Variants in IL37 observed in about 807,000 individuals in gnomAD.
The protein encoded by IL37 is interleukin-37.
In IL37, 15 loss-of-function variants were observed where a neutral mutation model predicts 15.4. The observed-to-expected ratio is 0.98, with a 90% confidence interval of 0.65 to 1.50. The LOEUF is 1.50. Among genes scored for constraint, IL37 ranks in the 40% most tolerant of loss-of-function variants. The pLI, the probability that IL37 is intolerant of heterozygous loss-of-function variation, is 0.00. For synonymous variants in IL37, 98 were observed against 97.4 expected (o/e 1.01, Z -0.03); for missense variants, 269 against 261.7 (o/e 1.03, Z -0.19).
chr2:112,915,087 C>T (rs1683271387), intron 3 of IL37: 3 of 1,001,344 alleles, frequency 3.0e-6, no homozygotes, highest in African/African-American at 1.6e-5. Flanking sequence ...TAAGACCACT[C>T]ACACCTTCAG....
chr2:112,918,049 G>A (rs565938132), intron 5 of IL37, among the ~76,000 whole-genome samples: 2 of 152,316 alleles, frequency 1.3e-5, no homozygotes, highest in East Asian at 1.9e-4. Context: ...CTGGCCCTGG[G>A]CGGGTGGCGG....
chr2:112,912,830 T>A, intron 1 of IL37, 133 bp from the exon 2 acceptor site: 2 of 479,632 alleles, frequency 4.2e-6, no homozygotes, highest in Non-Finnish European at 3.6e-6. Context: ...TCTGGCCCCT[T>A]GGTGCCTTTC....
chr2:112,916,143 A>C (rs554196805), intron 3 of IL37, among the ~76,000 whole-genome samples: 5 of 152,340 alleles, frequency 3.3e-5, no homozygotes, highest in African/African-American at 1.2e-4. Flanking sequence ...CCTTAGACTT[A>C]TTCTCTACAT....
At position 112,917,788 on chromosome 2, in the gene IL37, T is replaced by C; in HGVS notation, c.408+11T>C. ...TCCCTTCAGCTGAAGGTGAGAGTTC[T>C]AGCTCAGTTTCCTGGGCCTTTGGCT... On this transcript the variant is annotated intron_variant, in intron 5 of 5. Transcript: ENST00000263326. The C allele has an allele frequency of 6.2e-7, 1 of 1,614,006 alleles. No individual in the cohort carries two copies. The highest frequency in any genetic ancestry group is 8.5e-7 in the Non-Finnish European group (1 of 1,179,956).
rs574097695 is a variant in IL37, at chr2:112,916,149, T to C, written c.146-980T>C. Among the ~76,000 whole-genome samples, 10 of 152,344 alleles carry C rather than the reference T, an allele frequency of 6.6e-5. No individual in the cohort carries two copies. The South Asian group carries it at 1.0e-3, about 16-fold the overall frequency. Reference sequence around the variant, plus strand: ...AGAATGACACCTTAGACTTATTCTCTACATTAGAATTGCCTACCACAGATA... The same window carrying C: ...AGAATGACACCTTAGACTTATTCTCCACATTAGAATTGCCTACCACAGATA... On this transcript the variant is annotated intron_variant, in intron 3 of 5. Transcript: ENST00000263326.
chr2:112,912,385 T>C (rs1197500700), intron 1 of IL37, among the ~76,000 whole-genome samples: 1 of 152,108 alleles, frequency 6.6e-6, no homozygotes, highest in Non-Finnish European at 1.5e-5. Flanking sequence ...CCTGGGACAT[T>C]TGGTGGCTTA....
Position 112,918,772 on chromosome 2 carries a change from G to A in IL37, c.620G>A (p.Cys207Tyr), listed in dbSNP as rs1683386640. 2 of 1,613,962 alleles carry A rather than the reference G, an allele frequency of 1.2e-6. No homozygotes were observed. The highest frequency in any genetic ancestry group is 8.5e-7 in the Non-Finnish European group (1 of 1,180,008). ...KHIEFSFQPV[C>Y]KAEMSPSEVS... ...ATTGAATTTTCATTTCAACCAGTTTGCAAAGCTGAAATGAGCCCCAGTGAG... is the reference window on the plus strand; with the variant it reads ...ATTGAATTTTCATTTCAACCAGTTTACAAAGCTGAAATGAGCCCCAGTGAG... Residue 207 changes from cysteine to tyrosine, a missense_variant, in exon 6 of 6, where the codon TGC (cysteine) becomes TAC (tyrosine). Transcript: ENST00000263326.
Position 112,916,732 on chromosome 2 carries a change from G to A in IL37, c.146-397G>A, listed in dbSNP as rs115146107. Among the ~76,000 whole-genome samples the A allele has an allele frequency of 4.1e-3, 631 of 152,314 alleles. 5 individuals carry two copies. Among genetic ancestry groups the A allele is most frequent in the African/African-American group, 0.014 (588 of 41,560 alleles). On this transcript the variant is annotated intron_variant, in intron 3 of 5. Coordinates refer to ENST00000263326, the MANE Select transcript of IL37 (RefSeq NM_014439.4). ...TGATTATAAAAAGTCCTTTTTATAC[G>A]CCAGACATTTTCTTTGCTCAGGCTA...
rs1683171248 is a variant in IL37, at chr2:112,911,220, G to A, written c.-79G>A. Among the ~76,000 whole-genome samples, 2 of 152,234 alleles carry A rather than the reference G, an allele frequency of 1.3e-5. No individual in the cohort carries two copies. Among genetic ancestry groups the A allele is most frequent in the East Asian group, 3.8e-4 (2 of 5,204 alleles). ...CAGAGCTCCAGGAGTCCAAGACAGAGCCACAGACCACGAGGATCCCTGGCC... is the reference window on the plus strand; with the variant it reads ...CAGAGCTCCAGGAGTCCAAGACAGAACCACAGACCACGAGGATCCCTGGCC... On this transcript the variant is annotated 5_prime_UTR_variant, in exon 1 of 6. Coordinates refer to ENST00000263326, the MANE Select transcript of IL37 (RefSeq NM_014439.4).
In IL37 at chr2:112,918,799, TCAGCGATTA is replaced by T; in HGVS notation, c.648_656del (p.Ser217_Ter219delextTer11). The T allele has an allele frequency of 6.2e-7, 1 of 1,612,178 alleles. No homozygotes were observed. Among genetic ancestry groups the T allele is most frequent in the Non-Finnish European group, 8.5e-7 (1 of 1,178,378 alleles). The stretch of plus-strand genomic sequence containing the variant: ...AAAGCTGAAATGAGCCCCAGTGAGG[TCAGCGATTA>T]GGAAACTGCCCCATTGAACGCCTTC... On this transcript the variant is annotated stop_lost and inframe_deletion, in exon 6 of 6. Coordinates refer to ENST00000263326, the MANE Select transcript of IL37 (RefSeq NM_014439.4).
chr2:112,914,909 G>C (rs940346388), intron 3 of IL37, among the ~76,000 whole-genome samples: 3 of 152,196 alleles, frequency 2.0e-5, no homozygotes, highest in Non-Finnish European at 4.4e-5. Flanking sequence ...GGGCGCTGAG[G>C]CTCTAGGGGC....
At chr2:112,915,231 A>G in intron 3 of IL37, 2 of 1,614,076 alleles carry the variant, frequency 1.2e-6, no homozygotes, top group Non-Finnish European at 1.7e-6. Flanking sequence ...AAACCAAAGG[A>G]AAGAACAGCT....
rs1683374627 is a variant in IL37 at position 112,918,492 on chromosome 2, G to A, written c.409-69G>A. 5 of 1,512,294 alleles carry A rather than the reference G, an allele frequency of 3.3e-6. No individual in the cohort carries two copies. The South Asian group carries it at 3.8e-5, about 12-fold the overall frequency. The allele number at this position is 1,512,294 out of a possible 1,614,324, so 93.7% of individuals were successfully genotyped here. A position where few individuals can be genotyped will look rare whatever the true frequency, so the allele number is the denominator to read the frequency against. On this transcript the variant is annotated intron_variant, in intron 5 of 5. Transcript: ENST00000263326. ...TCTCCTGTGTAAAGGCCTGGAGGAT[G>A]AGCACATGTGCTGTGTTTTCCTCCC...
At position 112,917,243 on chromosome 2, in the gene IL37, G is replaced by T. The variant is rs147989746; in HGVS notation, c.260G>T (p.Arg87Leu). The part of the protein sequence containing the change: ...LIAVPDKNYI[R>L]PEIFFALASS... ...GCAGTTCCAGATAAAAACTACATACGCCCAGGTGACTCTCAGTTTTGGCTG... is the reference window on the plus strand; with the variant it reads ...GCAGTTCCAGATAAAAACTACATACTCCCAGGTGACTCTCAGTTTTGGCTG... The change falls in exon 4 of 6, where the codon CGC becomes CTC. Residue 87 changes from arginine (R) to leucine (L), a missense_variant. By Grantham distance (102) the Arg-to-Leu change is moderately radical (BLOSUM62 -2). Transcript: ENST00000263326. The T allele has an allele frequency of 1.9e-6, 3 of 1,613,776 alleles. No individual in the cohort carries two copies. The highest frequency in any genetic ancestry group is 1.7e-5 in the Admixed American group (1 of 59,998).
In IL37 at chr2:112,917,127, A is replaced by G. The variant is rs777902806; in HGVS notation, c.146-2A>G. ...TGTTGATATCTGGTGATATTGATCT[A>G]GGTCCAAAGGTGAAGAACTTAAACC... On this transcript the variant is annotated splice_acceptor_variant, in intron 3 of 5. Coordinates refer to ENST00000263326, the MANE Select transcript of IL37 (RefSeq NM_014439.4). LOFTEE classifies it high-confidence loss of function. 3 of 1,613,890 alleles carry G rather than the reference A, an allele frequency of 1.9e-6. No homozygotes were observed. The Admixed American group carries it at 5.0e-5, about 27-fold the overall frequency.
At chr2:112,918,050 C>G (rs534097747) in intron 5 of IL37, among the ~76,000 whole-genome samples, 18 of 152,290 alleles carry the variant, frequency 1.2e-4, no homozygotes, top group South Asian at 4.1e-4. Context: ...TGGCCCTGGG[C>G]GGGTGGCGGT....
chr2:112,912,344 A>G (rs1683195320), intron 1 of IL37, among the ~76,000 whole-genome samples: 1 of 152,132 alleles, frequency 6.6e-6, no homozygotes, highest in Non-Finnish European at 1.5e-5. Flanking sequence ...ACGTGAGTCA[A>G]TCCTACCCTA....
chr2:112,917,199 G>A lies in IL37; in HGVS notation c.216G>A (p.Leu72=), dbSNP rs767300700. 6.2e-7 allele frequency: 1 copy of A among 1,614,098 alleles called. No individual in the cohort carries two copies. The highest frequency in any genetic ancestry group is 8.5e-7 in the Non-Finnish European group (1 of 1,179,942). ...IHDQDHKVLV[L]DSGNLIAVPD... is the part of the protein sequence containing the mutation. ...ACCAGGATCACAAAGTACTGGTCCT[G>A]GACTCTGGGAATCTCATAGCAGTTC... The change falls in exon 4 of 6, where the codon CTG becomes CTA. Residue 72 remains leucine (L), a synonymous_variant. Coordinates refer to ENST00000263326, the MANE Select transcript of IL37 (RefSeq NM_014439.4).
intron 3 of IL37, chr2:112,915,267 G>A (rs771032568): frequency 6.2e-7 from 1 of 1,611,284 alleles, no homozygotes; most frequent in Admixed American, 1.7e-5. Context: ...GAGGTACAAA[G>A]TAAAATGATG....
Sources: gnomAD v4.1 joint callset for allele counts (sites outside exome capture counted in the v4.1 genomes callset) on GRCh38, gnomAD v4.1.1 for gene constraint, MANE v1.5 for transcripts, NCBI Gene and HGNC (gene_info 2026-07-23, HGNC 2026-07-21) for gene names.